Variants in GLP1R observed in about 807,000 individuals in gnomAD.
GLP1R encodes the protein glucagon-like peptide 1 receptor.
In GLP1R, 32 loss-of-function variants were observed where a neutral mutation model predicts 68.4. The observed-to-expected ratio is 0.47, with a 90% CI of 0.35 to 0.63. The LOEUF (loss-of-function observed/expected upper bound fraction) is 0.63. Among genes scored for constraint, GLP1R ranks in the 20% least tolerant of loss-of-function variants. The probability of loss-of-function intolerance (pLI) is 0.00; values close to 1 mark genes in which losing one functional copy is unlikely to be tolerated. For missense variants in GLP1R, 502 were observed against 594.9 expected (o/e 0.84, Z 1.62); for synonymous variants, 263 against 244.4 (o/e 1.08, Z -0.71).
At chr6:39,074,956 G>A (rs1336035348) in intron 7 of GLP1R, among the ~76,000 whole-genome samples, 1 of 152,140 alleles carries the variant, frequency 6.6e-6, no homozygotes, top group Middle Eastern at 3.2e-3. Flanking sequence ...CACCCCCCAG[G>A]AGAAGAGTAG....
intron 7 of GLP1R, among the ~76,000 whole-genome samples, chr6:39,074,062 C>G (rs534084406): frequency 2.6e-5 from 4 of 152,304 alleles, no homozygotes; most frequent in South Asian, 4.1e-4. Context: ...GCACTGTTCT[C>G]TTAAGACCAC....
At chr6:39,063,724 C>T (rs956458078) in intron 3 of GLP1R, among the ~76,000 whole-genome samples, 1 of 152,042 alleles carries the variant, frequency 6.6e-6, no homozygotes, top group Non-Finnish European at 1.5e-5. Context: ...AGGGCAAGGT[C>T]CATTGGCAGG....
intron 5 of GLP1R, among the ~76,000 whole-genome samples, chr6:39,072,469 G>C (rs1191153830): frequency 6.6e-6 from 1 of 152,218 alleles, no homozygotes; most frequent in East Asian, 1.9e-4. Flanking sequence ...TTCCTACCAA[G>C]TGCCTAGTCC....
chr6:39,053,638 G>C (rs910088003), intron 1 of GLP1R, among the ~76,000 whole-genome samples: 3 of 152,156 alleles, frequency 2.0e-5, no homozygotes, highest in Non-Finnish European at 2.9e-5. Context: ...CCATCCCATG[G>C]GGGAGGGGCT....
chr6:39,061,783 T>C (rs1157892992), intron 3 of GLP1R, among the ~76,000 whole-genome samples: 1 of 152,218 alleles, frequency 6.6e-6, no homozygotes, highest in East Asian at 1.9e-4. Context: ...TGAAGGGACA[T>C]GCTCAACATC....
chr6:39,059,767 G>A (rs896756627), intron 3 of GLP1R, among the ~76,000 whole-genome samples: 1 of 152,088 alleles, frequency 6.6e-6, no homozygotes, highest in Admixed American at 6.5e-5. Flanking sequence ...GCGTCTGCTG[G>A]GCCTCTAGAC....
Position 39,062,153 on chromosome 6 carries a change from C to T in GLP1R, c.284-3558C>T, listed in dbSNP as rs536282827. On this transcript the variant is annotated intron_variant, in intron 3 of 12. Transcript: ENST00000373256. ...TGATTACAGGCGCCGCAGCAGCTTC[C>T]GGGAGGGGAAGTGTTTAATTGGGGG... is the stretch of plus-strand genomic sequence containing the variant. Among the ~76,000 whole-genome samples the T allele has an allele frequency of 1.2e-4, 18 of 152,324 alleles. No homozygotes were observed. The South Asian group carries it at 1.2e-3, about 11-fold the overall frequency.
At position 39,049,305 on chromosome 6, in the gene GLP1R, C is replaced by T. The variant is rs535499966; in HGVS notation, c.78+387C>T. On this transcript the variant is annotated intron_variant, in intron 1 of 12. Transcript: ENST00000373256. The surrounding 1 kb of genome is among the most constrained non-coding windows in gnomAD (Gnocchi z 4.5). ...GCACAGCCCGGCATCCTCCCGGACT[C>T]CCTCTGCCCCACAGTCTGACCCAGA... Among the ~76,000 whole-genome samples, 4 of 152,310 alleles carry T rather than the reference C, an allele frequency of 2.6e-5. No individual in the cohort carries two copies. The highest frequency in any genetic ancestry group is 9.6e-5 in the African/African-American group (4 of 41,578).
rs1265316395 is a variant in GLP1R at position 39,049,786 on chromosome 6, G to C, written c.78+868G>C. On this transcript the variant is annotated intron_variant, in intron 1 of 12. Transcript: ENST00000373256. This position sits in a 1 kb window ranked among gnomAD's most constrained non-coding sequence, Gnocchi z 4.5. ...GTTGCTTTTCCTGCCCTGGGATCCT[G>C]GGCTAGGGACAGTGGTCAGCTGCTT... 2.6e-5 allele frequency among the ~76,000 whole-genome samples: 4 copies of C among 152,156 alleles called. No individual in the cohort carries two copies. In the East Asian group the frequency reaches 7.7e-4, roughly 29 times the overall value.
At position 39,079,035 on chromosome 6, in the gene GLP1R, T is replaced by C. The variant is rs551940806; in HGVS notation, c.954+9T>C. On this transcript the variant is annotated intron_variant, in intron 9 of 12. Transcript: ENST00000373256. The surrounding 1 kb of genome is among the most constrained non-coding windows in gnomAD (Gnocchi z 4.5). ...TTCTCTTTGCCATTGGGGTGAGTGA[T>C]GGTGTCAGGGATGGGAGTGGCAGCT... 2 of 1,613,604 alleles carry C rather than the reference T, an allele frequency of 1.2e-6. No individual in the cohort carries two copies. The highest frequency in any genetic ancestry group is 2.2e-5 in the East Asian group (1 of 44,868).
Position 39,079,091 on chromosome 6 carries a change from A to G in GLP1R, c.955-21A>G. 1 of 1,612,046 alleles carries G rather than the reference A, an allele frequency of 6.2e-7. No individual in the cohort carries two copies. The highest frequency in any genetic ancestry group is 8.5e-7 in the Non-Finnish European group (1 of 1,178,132). The stretch of plus-strand genomic sequence containing the variant: ...AGGGCTGGGCTGGTGCCCCCTGCCA[A>G]TCCCCGGCCCCACCCCGCAGGTGAA... On this transcript the variant is annotated intron_variant, in intron 9 of 12. Coordinates refer to ENST00000373256, the MANE Select transcript of GLP1R (RefSeq NM_002062.5). The surrounding 1 kb of genome is among the most constrained non-coding windows in gnomAD (Gnocchi z 4.5).
intron 5 of GLP1R, among the ~76,000 whole-genome samples, chr6:39,069,883 A>T (rs1168987244): frequency 6.6e-6 from 1 of 152,168 alleles, no homozygotes; most frequent in East Asian, 1.9e-4. Context: ...TTTTTGAAAA[A>T]TAGAAATTTA....
rs770246887 is a variant in GLP1R, at chr6:39,086,090, C to T, written c.*17C>T. The T allele has an allele frequency of 1.8e-5, 29 of 1,611,278 alleles. 1 individual carries two copies. The East Asian group carries it at 5.8e-4, about 32-fold the overall frequency. ...TGCAGCTGAGACTCCAGCGCCTGCC[C>T]TCCCTGGGGTCCTTGCTGCAGGCCG... On this transcript the variant is annotated 3_prime_UTR_variant, in exon 13 of 13. Coordinates refer to ENST00000373256, the MANE Select transcript of GLP1R (RefSeq NM_002062.5). This position sits in a 1 kb window ranked among gnomAD's most constrained non-coding sequence, Gnocchi z 4.5.
Position 39,079,124 on chromosome 6 carries a change from A to G in GLP1R, c.967A>G (p.Ile323Val). 1 of 1,613,972 alleles carries G rather than the reference A, an allele frequency of 6.2e-7. No homozygotes were observed. Among genetic ancestry groups the G allele is most frequent in the Non-Finnish European group, 8.5e-7 (1 of 1,179,940 alleles). The stretch of plus-strand genomic sequence containing the variant: ...CCCCACCCCGCAGGTGAACTTCCTC[A>G]TCTTTGTTCGGGTCATCTGCATCGT... ...ILFAIGVNFL[I>V]FVRVICIVVS... is the part of the protein sequence containing the mutation. Residue 323 changes from isoleucine (I) to valine (V), a missense_variant, in exon 10 of 13, where the codon ATC becomes GTC. Coordinates refer to ENST00000373256, the MANE Select transcript of GLP1R (RefSeq NM_002062.5). This position sits in a 1 kb window ranked among gnomAD's most constrained non-coding sequence, Gnocchi z 4.5.
intron 12 of GLP1R, among the ~76,000 whole-genome samples, chr6:39,085,448 G>T (rs983975665): frequency 1.3e-5 from 2 of 152,158 alleles, no homozygotes; most frequent in African/African-American, 2.4e-5. Context: ...AGCCCTCAGG[G>T]AGTTTAGAAG....
chr6:39,084,614 C>T (rs1045461359), intron 12 of GLP1R, among the ~76,000 whole-genome samples: 5 of 152,194 alleles, frequency 3.3e-5, no homozygotes, highest in Non-Finnish European at 5.9e-5. Context: ...AAGACTCAGC[C>T]GGGCAGGGAG....
At position 39,079,905 on chromosome 6, in the gene GLP1R, A is replaced by G. The variant is rs1275615801; in HGVS notation, c.1182+203A>G. On this transcript the variant is annotated intron_variant, in intron 11 of 12. Coordinates refer to ENST00000373256, the MANE Select transcript of GLP1R (RefSeq NM_002062.5). The surrounding 1 kb of genome is among the most constrained non-coding windows in gnomAD (Gnocchi z 4.5). ...CTGGGCCAGTCTTCTCTGTAAGCAC[A>G]TGGGACAAGAAGCCTTCCTGGATGT... 6.6e-6 allele frequency among the ~76,000 whole-genome samples: 1 copy of G among 152,150 alleles called. No individual in the cohort carries two copies. Among genetic ancestry groups the G allele is most frequent in the African/African-American group, 2.4e-5 (1 of 41,436 alleles).
chr6:39,049,522 A>G lies in GLP1R; in HGVS notation c.78+604A>G, dbSNP rs1006651015. ...CTTGTCCTTCCCAGTGACCTCCCAG[A>G]TGGAACCTACCCCCCGTCCCCTACC... On this transcript the variant is annotated intron_variant, in intron 1 of 12. Transcript: ENST00000373256. The surrounding 1 kb of genome is among the most constrained non-coding windows in gnomAD (Gnocchi z 4.5). Among the ~76,000 whole-genome samples, 12 of 151,952 alleles carry G rather than the reference A, an allele frequency of 7.9e-5. No homozygotes were observed. Among genetic ancestry groups the G allele is most frequent in the Non-Finnish European group, 4.4e-5 (3 of 67,974 alleles).
chr6:39,056,120 C>G (rs781691596), intron 1 of GLP1R, among the ~76,000 whole-genome samples: 2 of 152,204 alleles, frequency 1.3e-5, no homozygotes, highest in Non-Finnish European at 2.9e-5. Context: ...CTTCACCCAC[C>G]CACCTCCCCA....
Sources: allele counts gnomAD v4.1 joint callset (sites outside exome capture counted in the v4.1 genomes callset), GRCh38; gene constraint gnomAD v4.1.1; non-coding constraint Gnocchi (gnomAD v3.1); transcripts MANE v1.5; gene names NCBI Gene and HGNC (gene_info 2026-07-23, HGNC 2026-07-21).